The following CNTN4 variants were observed in gnomAD, a reference collection of about 807,000 sequenced individuals.
The protein encoded by CNTN4 is contactin 4, also known as contactin-4.
In CNTN4, 77 loss-of-function variants were observed where a neutral mutation model predicts 122.5. That is an observed-to-expected ratio of 0.63 (90% CI 0.52 to 0.76). CNTN4 has a LOEUF of 0.76. Ranked by LOEUF, CNTN4 falls within the 30% of genes least tolerant of loss-of-function variation. CNTN4 has a pLI of 0.00. For missense variants in CNTN4, 1,256 were observed against 1,259.1 expected, an observed-to-expected ratio of 1.00 and a Z score of 0.04; for synonymous variants, 512 against 447.0, an observed-to-expected ratio of 1.15 and a Z score of -1.83.
At chr3:2,875,887 A>T (rs1369053078) in intron 8 of CNTN4, among the ~76,000 whole-genome samples, 1 of 152,210 alleles carries the variant, frequency 6.6e-6, no homozygotes, top group Admixed American at 6.5e-5. Context: ...CATTATAACT[A>T]ATTGCCCAAA....
intron 2 of CNTN4, among the ~76,000 whole-genome samples, chr3:2,237,761 G>C (rs910678867): frequency 1.3e-5 from 2 of 151,986 alleles, no homozygotes; most frequent in African/African-American, 4.8e-5. Context: ...AATGAATATT[G>C]GTATTTTTAT....
chr3:2,708,198 G>C (rs997938518), intron 4 of CNTN4, among the ~76,000 whole-genome samples: 1 of 152,098 alleles, frequency 6.6e-6, no homozygotes, highest in Non-Finnish European at 1.5e-5. Flanking sequence ...CAAAATGAAG[G>C]CTGGTGACAT....
At chr3:3,052,430 A>G (rs1169041987) in intron 23 of CNTN4, among the ~76,000 whole-genome samples, 1 of 150,856 alleles carries the variant, frequency 6.6e-6, no homozygotes, top group Non-Finnish European at 1.5e-5. Flanking sequence ...GTTGAAAACC[A>G]CTGAGCTACA....
At chr3:2,599,133 G>A (rs2080908393) in intron 4 of CNTN4, among the ~76,000 whole-genome samples, 1 of 152,124 alleles carries the variant, frequency 6.6e-6, no homozygotes, top group Admixed American at 6.6e-5. Flanking sequence ...GTTTATTTCA[G>A]AGATTAGCGT....
At chr3:2,877,700 C>A (rs971796474) in intron 8 of CNTN4, among the ~76,000 whole-genome samples, 1 of 152,128 alleles carries the variant, frequency 6.6e-6, no homozygotes, top group Non-Finnish European at 1.5e-5. Context: ...TGGAGCAATT[C>A]CATCAATGTT....
chr3:2,567,765 T>C (rs1427549415), intron 3 of CNTN4, among the ~76,000 whole-genome samples: 1 of 152,182 alleles, frequency 6.6e-6, no homozygotes, highest in Non-Finnish European at 1.5e-5. Context: ...CCTTGTCACT[T>C]GGCTCAGAAT....
intron 2 of CNTN4, among the ~76,000 whole-genome samples, chr3:2,333,126 G>T (rs1485209743): frequency 3.9e-5 from 6 of 152,118 alleles, no homozygotes; most frequent in Non-Finnish European, 8.8e-5. Context: ...CAAGTTTCTG[G>T]CCTTACAACT....
At chr3:2,662,630 A>C (rs80233113) in intron 4 of CNTN4, among the ~76,000 whole-genome samples, 5,670 of 152,280 alleles carry the variant, frequency 0.037, 148 homozygotes, top group Non-Finnish European at 0.052. Context: ...GCAGCTAACT[A>C]GTCTCAACCT....
At chr3:2,134,899 T>C (rs1574910414) in intron 2 of CNTN4, among the ~76,000 whole-genome samples, 1 of 152,200 alleles carries the variant, frequency 6.6e-6, no homozygotes, top group African/African-American at 2.4e-5. Flanking sequence ...TTACTTAGTC[T>C]GGAGATTCAA....
At chr3:2,595,398 G>A (rs1325603456) in intron 4 of CNTN4, among the ~76,000 whole-genome samples, 1 of 152,126 alleles carries the variant, frequency 6.6e-6, no homozygotes. Context: ...AGGCTTTATT[G>A]GGAAATTTAC....
chr3:3,044,837 G>A (rs898968213), intron 23 of CNTN4, among the ~76,000 whole-genome samples: 8 of 152,314 alleles, frequency 5.3e-5, no homozygotes, highest in East Asian at 1.9e-4. Context: ...AAGGGCAAAG[G>A]GTCAAGGAAT....
At chr3:2,213,350 C>T (rs746340431) in intron 2 of CNTN4, among the ~76,000 whole-genome samples, 14 of 152,172 alleles carry the variant, frequency 9.2e-5, no homozygotes, top group Non-Finnish European at 1.6e-4. Flanking sequence ...TTGTCATAGG[C>T]TTCAGGCTTC....
At chr3:2,468,144 T>A (rs114478579) in intron 3 of CNTN4, among the ~76,000 whole-genome samples, 2,333 of 152,310 alleles carry the variant, frequency 0.015, 65 homozygotes, top group African/African-American at 0.053. Flanking sequence ...GACATTTAAA[T>A]TTTTGGACAT....
intron 4 of CNTN4, among the ~76,000 whole-genome samples, chr3:2,666,982 C>G (rs7624753): frequency 0.42 from 64,300 of 151,664 alleles, 14,171 homozygotes; most frequent in South Asian, 0.56. Flanking sequence ...TCTTAATCCA[C>G]TCTATCATTG....
chr3:2,488,347 C>T (rs537310961), intron 3 of CNTN4, among the ~76,000 whole-genome samples: 3 of 152,266 alleles, frequency 2.0e-5, no homozygotes, highest in East Asian at 1.9e-4. Context: ...CACATTCTCC[C>T]CATGTCTTGG....
intron 3 of CNTN4, among the ~76,000 whole-genome samples, chr3:2,485,340 A>C (rs1350488677): frequency 6.6e-6 from 1 of 152,236 alleles, no homozygotes; most frequent in Admixed American, 6.5e-5. Context: ...CTGTGGCCCC[A>C]GTGCAGGATC....
At chr3:2,506,664 G>A (rs1405987702) in intron 3 of CNTN4, among the ~76,000 whole-genome samples, 1 of 152,214 alleles carries the variant, frequency 6.6e-6, no homozygotes, top group Non-Finnish European at 1.5e-5. Flanking sequence ...TATTTCAGGA[G>A]TAAGATCAGA....
intron 2 of CNTN4, among the ~76,000 whole-genome samples, chr3:2,179,677 A>G (rs935798883): frequency 6.6e-6 from 1 of 151,802 alleles, no homozygotes; most frequent in African/African-American, 2.4e-5. Context: ...TTTAATTTCC[A>G]GGGACTGTGT....
At chr3:2,740,127 C>T (rs2089377007) in intron 5 of CNTN4, among the ~76,000 whole-genome samples, 1 of 152,038 alleles carries the variant, frequency 6.6e-6, no homozygotes, top group Non-Finnish European at 1.5e-5. Context: ...GAGGCTGAGG[C>T]AGGAGGATGG....
Sources: gnomAD v4.1 joint callset for allele counts (sites outside exome capture counted in the v4.1 genomes callset) on GRCh38, gnomAD v4.1.1 for gene constraint, MANE v1.5 for transcripts, NCBI Gene and HGNC (gene_info 2026-07-23, HGNC 2026-07-21) for gene names.